The following SH3BGRL variants were observed in gnomAD, a reference collection of about 807,000 sequenced individuals.
SH3BGRL encodes adapter SH3BGRL.
Under a neutral mutation model 9.8 loss-of-function variants are expected in SH3BGRL, and 7 were observed. The ratio of observed to expected loss-of-function variants is 0.72; its 90% confidence interval spans 0.41 to 1.35. The LOEUF (loss-of-function observed/expected upper bound fraction) is 1.35, where lower values mean the gene tolerates loss of function less well. Among genes scored for constraint, SH3BGRL ranks in the 40% most tolerant of loss-of-function variants. SH3BGRL has a pLI of 0.01. For missense variants in SH3BGRL, 73 were observed against 84.4 expected (o/e 0.86, Z 0.53); for synonymous variants, 36 against 29.1 (o/e 1.24, Z -0.76).
intron 1 of SH3BGRL, among the ~76,000 whole-genome samples, chrX:81,245,787 C>T (rs1232769071): frequency 8.9e-6 from 1 of 111,739 alleles, no homozygotes; most frequent in Non-Finnish European, 1.9e-5. Context: ...ACTGTGATGA[C>T]TATGCAAGTA....
chrX:81,233,309 C>CCTGT (rs2075638632), intron 1 of SH3BGRL, among the ~76,000 whole-genome samples: 2 of 112,055 alleles, frequency 1.8e-5, no homozygotes, highest in African/African-American at 6.5e-5. Flanking sequence ...GCTTTGCATA[C>CCTGT]GTAGAGCTTT....
intron 1 of SH3BGRL, among the ~76,000 whole-genome samples, chrX:81,266,555 A>G (rs1030219779): frequency 4.5e-5 from 5 of 111,405 alleles, no homozygotes; most frequent in Non-Finnish European, 7.5e-5. Flanking sequence ...GTTCTGTTCC[A>G]TTGGTCTATA....
chrX:81,256,147 A>G (rs758499733), intron 1 of SH3BGRL, among the ~76,000 whole-genome samples: 1 of 112,286 alleles, frequency 8.9e-6, no homozygotes, highest in South Asian at 3.7e-4. Context: ...AGTGAACACT[A>G]GCTAAGTACA....
At chrX:81,266,322 A>G (rs922949414) in intron 1 of SH3BGRL, among the ~76,000 whole-genome samples, 46 of 111,684 alleles carry the variant, frequency 4.1e-4, no homozygotes, top group Non-Finnish European at 7.5e-4. Context: ...TAGGATTTTT[A>G]TGGTCCTAGG....
At chrX:81,254,268 A>T (rs771134925) in intron 1 of SH3BGRL, among the ~76,000 whole-genome samples, 2 of 111,794 alleles carry the variant, frequency 1.8e-5, no homozygotes, top group African/African-American at 6.5e-5. Flanking sequence ...AACTTCTTGG[A>T]TCATTTGATT....
chrX:81,289,576 G>A (rs2075850071), intron 3 of SH3BGRL, among the ~76,000 whole-genome samples: 2 of 111,002 alleles, frequency 1.8e-5, no homozygotes, highest in South Asian at 7.6e-4. Context: ...ACTCTATAGG[G>A]GCCATGCATG....
At position 81,235,903 on chromosome X, in the gene SH3BGRL, T is replaced by C. The variant is rs188093198; in HGVS notation, c.45+33658T>C. ...TCACTGGCTCCTCGTACTGAACTTG[T>C]ACAGTTTTCTAGCTGACAGCTACTT... On this transcript the variant is annotated intron_variant, in intron 1 of 3. Coordinates refer to ENST00000373212, the MANE Select transcript of SH3BGRL (RefSeq NM_003022.3). Among the ~76,000 whole-genome samples the C allele has an allele frequency of 5.4e-5, 6 of 111,699 alleles. No homozygotes were observed. The East Asian group carries it at 1.7e-3, about 32-fold the overall frequency.
chrX:81,236,092 C>T lies in SH3BGRL; in HGVS notation c.45+33847C>T, dbSNP rs186484112. 6.3e-5 allele frequency among the ~76,000 whole-genome samples: 7 copies of T among 111,387 alleles called. No homozygotes were observed. In the East Asian group the frequency reaches 2.0e-3, roughly 31 times the overall value. The stretch of plus-strand genomic sequence containing the variant: ...TTTAGAGCCTGGATAGCAAACTTAA[C>T]TCAAGGGTATGGACTCAGATGCAAA... On this transcript the variant is annotated intron_variant, in intron 1 of 3. Coordinates refer to ENST00000373212, the MANE Select transcript of SH3BGRL (RefSeq NM_003022.3).
At chrX:81,283,170 G>T (rs1196025255) in intron 3 of SH3BGRL, among the ~76,000 whole-genome samples, 3 of 111,378 alleles carry the variant, frequency 2.7e-5, no homozygotes, top group Non-Finnish European at 5.7e-5. Context: ...AGATTGAAAT[G>T]GTAATTTAAA....
chrX:81,255,297 G>T (rs2075722527), intron 1 of SH3BGRL, among the ~76,000 whole-genome samples: 1 of 111,619 alleles, frequency 9.0e-6, no homozygotes, highest in African/African-American at 3.3e-5. Flanking sequence ...GAAATGGGTG[G>T]CTATGTTTAA....
At chrX:81,205,171 C>T (rs1484886056) in intron 1 of SH3BGRL, among the ~76,000 whole-genome samples, 2 of 110,933 alleles carry the variant, frequency 1.8e-5, no homozygotes, top group Non-Finnish European at 3.8e-5. Flanking sequence ...GATCTTATTC[C>T]TTCTATCTAA....
chrX:81,223,774 C>G (rs2075608247), intron 1 of SH3BGRL, among the ~76,000 whole-genome samples: 2 of 111,432 alleles, frequency 1.8e-5, no homozygotes, highest in African/African-American at 6.5e-5. Flanking sequence ...AGTCACAGCT[C>G]ACTACAGCCT....
chrX:81,284,244 G>A (rs376339830), intron 3 of SH3BGRL, among the ~76,000 whole-genome samples: 1 of 110,980 alleles, frequency 9.0e-6, no homozygotes, highest in African/African-American at 3.3e-5. Flanking sequence ...ACTGCCAAAA[G>A]CAATCTACAA....
chrX:81,254,641 T>G (rs1014472659), intron 1 of SH3BGRL, among the ~76,000 whole-genome samples: 23 of 111,679 alleles, frequency 2.1e-4, no homozygotes, highest in Non-Finnish European at 1.3e-4. Context: ...GGGGAGCCCT[T>G]CAGGTATGAT....
At chrX:81,250,234 A>G (rs2075704859) in intron 1 of SH3BGRL, among the ~76,000 whole-genome samples, 1 of 108,668 alleles carries the variant, frequency 9.2e-6, no homozygotes, top group Non-Finnish European at 1.9e-5. Flanking sequence ...CCCCGTTTCT[A>G]CTAAAAATAC....
chrX:81,275,152 T>C (rs1417178582), intron 1 of SH3BGRL, among the ~76,000 whole-genome samples: 3 of 111,573 alleles, frequency 2.7e-5, no homozygotes. Flanking sequence ...CAAAAAATAA[T>C]TTATCTTAAA....
chrX:81,250,167 G>A (rs1349947203), intron 1 of SH3BGRL, among the ~76,000 whole-genome samples: 2 of 109,301 alleles, frequency 1.8e-5, no homozygotes, highest in Non-Finnish European at 3.8e-5. Context: ...TTGGGAGGCC[G>A]AGGTGGGTGG....
chrX:81,261,982 A>T (rs1362803129), intron 1 of SH3BGRL, among the ~76,000 whole-genome samples: 2 of 111,604 alleles, frequency 1.8e-5, no homozygotes, highest in African/African-American at 6.5e-5. Context: ...AATCCAGGAG[A>T]TTTATTTTGA....
chrX:81,285,679 A>G (rs2075831938), intron 3 of SH3BGRL, among the ~76,000 whole-genome samples: 1 of 112,112 alleles, frequency 8.9e-6, no homozygotes. Context: ...TACTGTGTCT[A>G]ATTCTGAACT....
Sources: gnomAD v4.1 joint callset for allele counts (sites outside exome capture counted in the v4.1 genomes callset) on GRCh38, gnomAD v4.1.1 for gene constraint, MANE v1.5 for transcripts, NCBI Gene and HGNC (gene_info 2026-07-23, HGNC 2026-07-21) for gene names.